The following TDRD3 variants were observed in gnomAD, a reference collection of about 807,000 sequenced individuals.
TDRD3 encodes the protein tudor domain containing 3.
Under a neutral mutation model 86.7 loss-of-function variants are expected in TDRD3, and 45 were observed. The observed-to-expected ratio is 0.52, with a 90% CI of 0.41 to 0.67. The LOEUF (loss-of-function observed/expected upper bound fraction) is 0.67, where lower values mean the gene tolerates loss of function less well. Ranked by LOEUF, TDRD3 falls within the 30% of genes least tolerant of loss-of-function variation. The probability of loss-of-function intolerance (pLI) is 0.00; values close to 1 mark genes in which losing one functional copy is unlikely to be tolerated. For missense variants in TDRD3, 814 were observed against 889.0 expected (o/e 0.92, Z 1.07); for synonymous variants, 298 against 301.7 (o/e 0.99, Z 0.13).
intron 2 of TDRD3, among the ~76,000 whole-genome samples, chr13:60,442,040 C>T (rs539250287): frequency 1.3e-5 from 2 of 152,200 alleles, no homozygotes; most frequent in Admixed American, 6.5e-5. Context: ...GTAAGCTGGC[C>T]TTTCTAAAGA....
Position 60,492,922 on chromosome 13 carries a change from T to TC in TDRD3, c.718-1513_718-1512insC, listed in dbSNP as rs1305467736. Among the ~76,000 whole-genome samples, 8 of 144,960 alleles carry TC rather than the reference T, an allele frequency of 5.5e-5. No individual in the cohort carries two copies. In the East Asian group the frequency reaches 1.6e-3, roughly 29 times the overall value. ...CAAATAATTTTCTTTCTTTTCTTTT[T>TC]TTTTTTTTTTTTTTGAGACGGAGTC... On this transcript the variant is annotated intron_variant, in intron 7 of 13. Transcript: ENST00000377881.
At chr13:60,448,823 T>C (rs1000655166) in intron 3 of TDRD3, among the ~76,000 whole-genome samples, 2 of 152,186 alleles carry the variant, frequency 1.3e-5, no homozygotes, top group African/African-American at 4.8e-5. Flanking sequence ...AATTTTAATA[T>C]TTTGCTGTAG....
intron 1 of TDRD3, among the ~76,000 whole-genome samples, chr13:60,421,176 C>G (rs954448617): frequency 6.7e-6 from 1 of 150,212 alleles, no homozygotes; most frequent in Non-Finnish European, 1.5e-5. Context: ...AAGAAATACC[C>G]GAGACTGGGT....
chr13:60,458,935 A>T (rs1184685708), intron 3 of TDRD3, among the ~76,000 whole-genome samples: 1 of 152,252 alleles, frequency 6.6e-6, no homozygotes, highest in African/African-American at 2.4e-5. Context: ...TTTTAATGGC[A>T]TTAACAAAAG....
chr13:60,553,194 A>G (rs1958105570), intron 12 of TDRD3, among the ~76,000 whole-genome samples: 1 of 152,246 alleles, frequency 6.6e-6, no homozygotes, highest in Admixed American at 6.5e-5. Context: ...ATTTCAAACC[A>G]TATCTTTGTG....
At chr13:60,529,961 A>G (rs1957541411) in intron 11 of TDRD3, among the ~76,000 whole-genome samples, 1 of 151,898 alleles carries the variant, frequency 6.6e-6, no homozygotes, top group Non-Finnish European at 1.5e-5. Flanking sequence ...GACTTTGCAC[A>G]TTTTTTTCCT....
intron 13 of TDRD3, among the ~76,000 whole-genome samples, chr13:60,570,810 C>A (rs73210014): frequency 0.12 from 17,779 of 151,854 alleles, 1,352 homozygotes; most frequent in South Asian, 0.26. Flanking sequence ...TTGACCCCTT[C>A]TTTAGTTTCT....
intron 1 of TDRD3, among the ~76,000 whole-genome samples, chr13:60,397,633 GCGGGCCTGGGCCC>G (rs1385714099): frequency 1.6e-4 from 15 of 94,418 alleles, no homozygotes; most frequent in Non-Finnish European, 4.2e-4. Flanking sequence ...GCCCCGGGCG[GCGGGCCTGGGCCC>G]CGGGCGGCGG....
chr13:60,456,069 C>CAAA lies in TDRD3; in HGVS notation c.193-4294_193-4292dup, dbSNP rs35117003. On this transcript the variant is annotated intron_variant, in intron 3 of 13. Coordinates refer to ENST00000377881, the MANE Select transcript of TDRD3 (RefSeq NM_001146070.2). ...TGGGTGACAGAGTGAGACTATGTCT[C>CAAA]AAAAAAAAAAAAAAAAAAAGATTAA... 6.2e-3 allele frequency among the ~76,000 whole-genome samples: 595 copies of CAAA among 95,272 alleles called. 13 individuals carry two copies. The highest frequency in any genetic ancestry group is 0.03 in the Middle Eastern group (5 of 168). The allele number at this position is 95,272 out of a possible 152,430, so 62.5% of individuals were successfully genotyped here.
At chr13:60,532,041 G>A (rs1406125830) in intron 11 of TDRD3, among the ~76,000 whole-genome samples, 1 of 152,028 alleles carries the variant, frequency 6.6e-6, no homozygotes, top group Non-Finnish European at 1.5e-5. Context: ...CCAAATACCT[G>A]TTACAATTGT....
intron 3 of TDRD3, among the ~76,000 whole-genome samples, chr13:60,457,434 T>C (rs1272525196): frequency 6.6e-6 from 1 of 152,246 alleles, no homozygotes; most frequent in Non-Finnish European, 1.5e-5. Context: ...ACAGAACATG[T>C]AGGCTTGTAC....
intron 12 of TDRD3, among the ~76,000 whole-genome samples, chr13:60,544,497 T>C (rs745613614): frequency 3.3e-5 from 5 of 149,908 alleles, no homozygotes; most frequent in Admixed American, 2.0e-4. Context: ...TTGTCAAAAC[T>C]AGTAAATTCC....
chr13:60,481,670 A>C (rs796270383), intron 5 of TDRD3, among the ~76,000 whole-genome samples: 10 of 152,072 alleles, frequency 6.6e-5, no homozygotes, highest in African/African-American at 2.4e-4. Flanking sequence ...CATAGTTTTA[A>C]TAGCTGTTTA....
In TDRD3 at chr13:60,397,488, G is replaced by T. The variant is rs1165316251; in HGVS notation, c.41+83G>T. 3 of 1,220,744 alleles carry T rather than the reference G, an allele frequency of 2.5e-6. No individual in the cohort carries two copies. The African/African-American group carries it at 4.8e-5, about 19-fold the overall frequency. 75.6% of individuals were successfully genotyped at this position (1,220,744 alleles called of 1,614,324 possible). A position where few individuals can be genotyped will look rare whatever the true frequency, so the allele number is the denominator to read the frequency against. On this transcript the variant is annotated intron_variant, in intron 1 of 13. Coordinates refer to ENST00000377881, the MANE Select transcript of TDRD3 (RefSeq NM_001146070.2). ...GGTTGGGTTGGGGGCGGCGGGGTGCGTGTCGGGGTAGGCGGAGGCTGTCGT... is the reference window on the plus strand; with the variant it reads ...GGTTGGGTTGGGGGCGGCGGGGTGCTTGTCGGGGTAGGCGGAGGCTGTCGT...
intron 8 of TDRD3, among the ~76,000 whole-genome samples, chr13:60,500,047 A>G (rs1477774114): frequency 6.6e-6 from 1 of 152,216 alleles, no homozygotes; most frequent in Non-Finnish European, 1.5e-5. Flanking sequence ...GCAGGCCGCC[A>G]TAGGTGAATC....
At chr13:60,557,820 A>ATTTTTTTTTTTTTTTTTTTTTTT (rs749028045) in intron 12 of TDRD3, among the ~76,000 whole-genome samples, 15 of 88,284 alleles carry the variant, frequency 1.7e-4, no homozygotes, top group South Asian at 5.2e-4. Context: ...TTTTTTCCTG[A>ATTTTTTTTTTTTTTTTTTTTTTT]TTTTTTTTTT....
intron 5 of TDRD3, among the ~76,000 whole-genome samples, chr13:60,475,045 A>G (rs1594983650): frequency 6.6e-6 from 1 of 151,468 alleles, no homozygotes; most frequent in South Asian, 2.1e-4. Context: ...TATGTAATGT[A>G]TCTTTTCTTT....
chr13:60,567,470 C>T (rs1958486892), intron 12 of TDRD3, 55 bp from the exon 13 acceptor site: 2 of 1,610,698 alleles, frequency 1.2e-6, no homozygotes, highest in Non-Finnish European at 1.7e-6. Flanking sequence ...ATTTTTTTTA[C>T]TTAAGAAACT....
intron 13 of TDRD3, among the ~76,000 whole-genome samples, chr13:60,570,437 A>G (rs1323840697): frequency 4.6e-5 from 7 of 152,208 alleles, no homozygotes; most frequent in African/African-American, 1.4e-4. Flanking sequence ...TGGAGAAAGG[A>G]GAACCCTTTT....
Sources: gnomAD v4.1 joint callset for allele counts (sites outside exome capture counted in the v4.1 genomes callset) on GRCh38, gnomAD v4.1.1 for gene constraint, MANE v1.5 for transcripts, NCBI Gene and HGNC (gene_info 2026-07-23, HGNC 2026-07-21) for gene names.